PRSS55: variants seen among roughly 807,000 people sequenced by gnomAD.
The protein encoded by PRSS55 is probable serine protease UNQ9391/PRO34284.
A neutral mutation model predicts 23.6 loss-of-function variants in PRSS55; 41 were observed. The observed-to-expected ratio is 1.74, with a 90% CI of 1.35 to 2.26. The LOEUF is 2.26. PRSS55 is among the 30% of genes most tolerant of loss of function. PRSS55 has a pLI of 0.00. For synonymous variants in PRSS55, 262 were observed against 175.5 expected (o/e 1.49, Z -3.90); for missense variants, 669 against 439.1 (o/e 1.52, Z -4.68).
At chr8:10,543,885 C>T (rs187763548) in intron 4 of PRSS55, among the ~76,000 whole-genome samples, 4 of 152,266 alleles carry the variant, frequency 2.6e-5, no homozygotes, top group Non-Finnish European at 5.9e-5. Flanking sequence ...GGTTGGAGAA[C>T]ATACTTTGTA....
Position 10,550,068 on chromosome 8 carries a change from G to A in PRSS55, c.742-3875G>A, listed in dbSNP as rs191673113. On this transcript the variant is annotated intron_variant, in intron 4 of 4. Transcript: ENST00000522210. ...CCAAGTAGCTGAACTACAGGTGCGCGCCACCATGCCCTGCTAATTTTTGTA... is the reference window on the plus strand; with the variant it reads ...CCAAGTAGCTGAACTACAGGTGCGCACCACCATGCCCTGCTAATTTTTGTA... Among the ~76,000 whole-genome samples the A allele has an allele frequency of 5.8e-4, 88 of 152,164 alleles. 1 individual carries two copies. The East Asian group carries it at 0.01, about 18-fold the overall frequency.
chr8:10,535,425 C>T (rs1157823718), intron 4 of PRSS55, among the ~76,000 whole-genome samples: 2 of 152,172 alleles, frequency 1.3e-5, no homozygotes, highest in Non-Finnish European at 2.9e-5. Context: ...ACACCTACAA[C>T]CATCTGATCT....
chr8:10,552,423 T>A (rs13260199), intron 4 of PRSS55, among the ~76,000 whole-genome samples: 3 of 151,986 alleles, frequency 2.0e-5, no homozygotes, highest in African/African-American at 4.8e-5. Flanking sequence ...ATCAGACAAA[T>A]GGGGTTGCAC....
chr8:10,526,209 G>C (rs550123592), intron 1 of PRSS55, among the ~76,000 whole-genome samples: 10 of 152,208 alleles, frequency 6.6e-5, no homozygotes, highest in Non-Finnish European at 1.2e-4. Context: ...GGGATGCTGG[G>C]GTACCTAGCA....
At chr8:10,547,351 C>T (rs933340794) in intron 4 of PRSS55, 1 of 152,364 alleles carries the variant, frequency 6.6e-6, no homozygotes, top group Admixed American at 6.5e-5. Context: ...CTTTTCTCTC[C>T]TCTTTGAGCT....
intron 3 of PRSS55, among the ~76,000 whole-genome samples, chr8:10,532,131 C>G (rs1443029587): frequency 6.6e-6 from 1 of 152,186 alleles, no homozygotes; most frequent in African/African-American, 2.4e-5. Flanking sequence ...AGCATTGCGT[C>G]AGCCTGAAGG....
At chr8:10,543,463 C>CCTTCCTTCCTTCCTTT (rs71203336), downstream of PRSS55, among the ~76,000 whole-genome samples, 4 of 49,680 alleles carry the variant, frequency 8.1e-5, no homozygotes, top group Non-Finnish European at 1.9e-4. Context: ...TTCCTTCCTT[C>CCTTCCTTCCTTCCTTT]CTTTCTTTCT....
At chr8:10,531,260 C>G in intron 2 of PRSS55, 35 bp from the exon 3 acceptor site, 1 of 1,609,762 alleles carries the variant, frequency 6.2e-7, no homozygotes, top group Middle Eastern at 1.7e-4. Context: ...TTCCCTTCCC[C>G]TTCCACTTGC....
chr8:10,536,261 T>C (rs1222646101), intron 4 of PRSS55, among the ~76,000 whole-genome samples: 1 of 151,442 alleles, frequency 6.6e-6, no homozygotes, highest in Non-Finnish European at 1.5e-5. Context: ...GAAAAAAAAA[T>C]AAAGCTCAAT....
In PRSS55 at chr8:10,531,316, G is replaced by A. The variant is rs4841367; in HGVS notation, c.369G>A (p.Val123=). 0.064 allele frequency: 102,571 copies of A among 1,613,962 alleles called. 3,748 individuals carry two copies. The highest frequency in any genetic ancestry group is 0.11 in the African/African-American group (8,588 of 74,992). Reference sequence around the variant, plus strand: ...CCAGTCCAGAAGAACTGAGTGTCGTGCTGGGGACCAACGACTTAACTAGCC... The same window carrying A: ...CCAGTCCAGAAGAACTGAGTGTCGTACTGGGGACCAACGACTTAACTAGCC... ...EELFPEELSV[V]LGTNDLTSPS... The change falls in exon 3 of 5, where the codon GTG becomes GTA. Residue 123 remains valine, a synonymous_variant. Transcript: ENST00000328655.
chr8:10,551,380 T>G (rs1812947230), intron 4 of PRSS55, among the ~76,000 whole-genome samples: 1 of 152,362 alleles, frequency 6.6e-6, no homozygotes, highest in Middle Eastern at 3.4e-3. Context: ...TGTTCAGTTC[T>G]TTTCTTTGTG....
At chr8:10,542,419 G>GA (rs1554584731), downstream of PRSS55, among the ~76,000 whole-genome samples, 11 of 133,520 alleles carry the variant, frequency 8.2e-5, no homozygotes, top group Non-Finnish European at 1.4e-4. Context: ...CCATGCGGGG[G>GA]AAAAAAAAAA....
At chr8:10,537,404 T>C (rs1010154487) in intron 4 of PRSS55, among the ~76,000 whole-genome samples, 2 of 151,958 alleles carry the variant, frequency 1.3e-5, no homozygotes, top group African/African-American at 4.8e-5. Context: ...CACTTATAAA[T>C]GGAAGCTTAA....
Position 10,535,143 on chromosome 8 carries a change from A to T in PRSS55, c.741+2095A>T, listed in dbSNP as rs372432999. On this transcript the variant is annotated intron_variant, in intron 4 of 4. Coordinates refer to ENST00000328655, the MANE Select transcript of PRSS55 (RefSeq NM_198464.4). ...TATCATTAAAATGGCCATACTACCC[A>T]AAACAATTTACAGATTCAATACTAT... 8.1e-4 allele frequency among the ~76,000 whole-genome samples: 124 copies of T among 152,356 alleles called. 2 individuals are homozygous for T. The South Asian group carries it at 0.025, about 30-fold the overall frequency.
chr8:10,532,956 A>T lies in PRSS55; in HGVS notation c.649A>T (p.Met217Leu), dbSNP rs764684891. 6.2e-7 allele frequency: 1 copy of T among 1,614,210 alleles called. No homozygotes were observed. Among genetic ancestry groups the T allele is most frequent in the African/African-American group, 1.3e-5 (1 of 75,052 alleles). The change falls in exon 4 of 5, where the codon ATG becomes TTG. Residue 217 changes from methionine (M) to leucine (L), a missense_variant. By Grantham distance (15) the Met-to-Leu change is conservative. Transcript: ENST00000328655. The part of the protein sequence containing the change: ...TDLMKAPMVI[M>L]DWEECSKMFP... ...TCTGATGAAAGCGCCAATGGTCATCATGGACTGGGAGGAGTGTTCAAAGAT... is the reference window on the plus strand; with the variant it reads ...TCTGATGAAAGCGCCAATGGTCATCTTGGACTGGGAGGAGTGTTCAAAGAT...
intron 1 of PRSS55, 154 bp from the exon 2 acceptor site, chr8:10,529,353 G>T (rs1190243951): frequency 2.7e-6 from 2 of 735,064 alleles, no homozygotes; most frequent in East Asian, 2.6e-5. Context: ...TGTCACAAGG[G>T]CTGCCCCGCT....
chr8:10,551,109 C>T (rs1428105737), intron 4 of PRSS55, among the ~76,000 whole-genome samples: 1 of 152,156 alleles, frequency 6.6e-6, no homozygotes, highest in Non-Finnish European at 1.5e-5. Context: ...TTCCAAGACC[C>T]CTTCCTTCTG....
At chr8:10,543,791 ATTGATTAT>A (rs1392469588), downstream of PRSS55, among the ~76,000 whole-genome samples, 1 of 151,492 alleles carries the variant, frequency 6.6e-6, no homozygotes, top group African/African-American at 2.4e-5. Flanking sequence ...CTTTTTACTC[ATTGATTAT>A]TTAAGAGTGT....
chr8:10,542,953 G>A (rs1372115410), downstream of PRSS55, among the ~76,000 whole-genome samples: 1 of 150,534 alleles, frequency 6.6e-6, no homozygotes, highest in African/African-American at 2.4e-5. Context: ...GTCTGTGGCT[G>A]TTTTGTCTGC....
Sources: allele counts gnomAD v4.1 joint callset (sites outside exome capture counted in the v4.1 genomes callset), GRCh38; gene constraint gnomAD v4.1.1; transcripts MANE v1.5; gene names NCBI Gene and HGNC (gene_info 2026-07-23, HGNC 2026-07-21).